MKLN1: variants seen among roughly 807,000 people sequenced by gnomAD.
MKLN1 encodes muskelin 1, also known as muskelin.
MKLN1 carries 18 observed loss-of-function variants against 99.0 expected under a neutral mutation model. That is an observed-to-expected ratio of 0.18 (90% CI 0.13 to 0.27). MKLN1 has a LOEUF of 0.27. MKLN1 is among the 10% of genes least tolerant of loss of function. MKLN1 has a pLI of 1.00. For missense variants in MKLN1, 621 were observed against 875.9 expected (o/e 0.71, Z 3.67); for synonymous variants, 288 against 293.2 (o/e 0.98, Z 0.18).
chr7:131,129,840 T>G (rs1442383713), intron 1 of MKLN1, among the ~76,000 whole-genome samples: 1 of 152,212 alleles, frequency 6.6e-6, no homozygotes, highest in Non-Finnish European at 1.5e-5. Flanking sequence ...CCTCCCAAAG[T>G]GCTGAGATTA....
chr7:131,142,946 G>A (rs1162576717), intron 2 of MKLN1: 1 of 1,305,082 alleles, frequency 7.7e-7, no homozygotes, highest in Non-Finnish European at 1.0e-6. Context: ...AATTCGGTAA[G>A]TGTTGATGTT....
At chr7:131,267,482 C>G (rs1797824877) in intron 3 of MKLN1, among the ~76,000 whole-genome samples, 1 of 152,152 alleles carries the variant, frequency 6.6e-6, no homozygotes, top group Non-Finnish European at 1.5e-5. Context: ...GGTTGTTGCC[C>G]TTCCATAAGT....
chr7:131,464,351 G>A lies in MKLN1; in HGVS notation c.1731G>A (p.Gln577=), dbSNP rs1245214948. 2 of 1,613,582 alleles carry A rather than the reference G, an allele frequency of 1.2e-6. No homozygotes were observed. Among genetic ancestry groups the A allele is most frequent in the Non-Finnish European group, 1.7e-6 (2 of 1,179,764 alleles). The part of the protein sequence containing the change: ...AAKDNPTKSL[Q]EEEPCPRFAH... ...AGGATAATCCAACTAAAAGTCTTCAGGAAGAAGAACCATGTCCAAGGTTTG... is the reference window on the plus strand; with the variant it reads ...AGGATAATCCAACTAAAAGTCTTCAAGAAGAAGAACCATGTCCAAGGTTTG... The change falls in exon 14 of 18, where the codon CAG becomes CAA. Residue 577 remains glutamine (Q), a synonymous_variant. Coordinates refer to ENST00000352689, the MANE Select transcript of MKLN1 (RefSeq NM_013255.5).
chr7:131,153,037 T>A lies in MKLN1; in HGVS notation c.-297+10096T>A, dbSNP rs2028361. On this transcript the variant is annotated intron_variant, in intron 2 of 7. Transcript: ENST00000416992. ...CAGATTCATATATATATATATATTT[T>A]TTTTTTTTTTGGCAAGACTGCTTCC... 2.9e-3 allele frequency among the ~76,000 whole-genome samples: 378 copies of A among 129,730 alleles called. 3 individuals are homozygous for A. The highest frequency in any genetic ancestry group is 4.4e-3 in the Non-Finnish European group (264 of 59,382). The allele number at this position is 129,730 out of a possible 152,430, so 85.1% of individuals were successfully genotyped here. A position where few individuals can be genotyped will look rare whatever the true frequency, so the allele number is the denominator to read the frequency against.
At chr7:131,277,788 C>T (rs1458043868) in intron 3 of MKLN1, among the ~76,000 whole-genome samples, 1 of 152,076 alleles carries the variant, frequency 6.6e-6, no homozygotes, top group Non-Finnish European at 1.5e-5. Context: ...GTCTTTTCTT[C>T]TTTAAAAGAC....
chr7:131,174,275 TAA>T (rs1796261602), intron 2 of MKLN1, among the ~76,000 whole-genome samples: 1 of 152,176 alleles, frequency 6.6e-6, no homozygotes, highest in African/African-American at 2.4e-5. Flanking sequence ...CCCCACCCTT[TAA>T]AGACTTTTGA....
chr7:131,205,615 A>G (rs2116418861), intron 3 of MKLN1, among the ~76,000 whole-genome samples: 1 of 152,242 alleles, frequency 6.6e-6, no homozygotes. Context: ...CAAGGTATTC[A>G]TCAGGCTAGA....
chr7:131,425,091 A>G (rs1795319765), intron 8 of MKLN1, among the ~76,000 whole-genome samples: 2 of 152,280 alleles, frequency 1.3e-5, no homozygotes, highest in African/African-American at 2.4e-5. Flanking sequence ...CAGCAGCTTT[A>G]TGGGATAGAT....
At chr7:131,159,926 G>C (rs150333997) in intron 2 of MKLN1, among the ~76,000 whole-genome samples, 5 of 152,218 alleles carry the variant, frequency 3.3e-5, no homozygotes, top group Non-Finnish European at 7.4e-5. Context: ...GCACAGAAGA[G>C]GTAGGAACAT....
chr7:131,410,399 A>C (rs931559227), intron 6 of MKLN1, among the ~76,000 whole-genome samples: 2 of 152,126 alleles, frequency 1.3e-5, no homozygotes, highest in African/African-American at 4.8e-5. Flanking sequence ...ATGAGATGAG[A>C]CAGCATAAAT....
At chr7:131,139,248 C>A (rs987098954) in intron 1 of MKLN1, among the ~76,000 whole-genome samples, 3 of 152,028 alleles carry the variant, frequency 2.0e-5, no homozygotes, top group African/African-American at 7.2e-5. Flanking sequence ...AACAGAGAGC[C>A]GGTGGTGAGG....
chr7:131,206,793 C>T (rs1796818578), intron 3 of MKLN1, among the ~76,000 whole-genome samples: 1 of 152,068 alleles, frequency 6.6e-6, no homozygotes, highest in South Asian at 2.1e-4. Context: ...TGGCCTCAAG[C>T]AATCTTCCCA....
At chr7:131,222,860 CAAA>C (rs375317109) in intron 3 of MKLN1, among the ~76,000 whole-genome samples, 3 of 88,636 alleles carry the variant, frequency 3.4e-5, no homozygotes, top group Admixed American at 1.3e-4. Context: ...GCTAAAAATA[CAAA>C]AAAAAAAAAA....
chr7:131,155,987 A>G (rs1476600455), intron 2 of MKLN1, among the ~76,000 whole-genome samples: 1 of 152,220 alleles, frequency 6.6e-6, no homozygotes, highest in Non-Finnish European at 1.5e-5. Flanking sequence ...GAATGGATCA[A>G]CAACTACATT....
chr7:131,262,692 AG>A (rs1797750314), intron 3 of MKLN1, among the ~76,000 whole-genome samples: 1 of 151,886 alleles, frequency 6.6e-6, no homozygotes, highest in South Asian at 2.1e-4. Context: ...CTGGGACTGC[AG>A]GCATGCACCA....
At chr7:131,290,963 A>G (rs950825991) in intron 3 of MKLN1, among the ~76,000 whole-genome samples, 1 of 152,148 alleles carries the variant, frequency 6.6e-6, no homozygotes, top group Non-Finnish European at 1.5e-5. Context: ...CTAGGCTTAA[A>G]TCTGTGAGGC....
At chr7:131,317,531 G>C (rs1798691748) in intron 3 of MKLN1, among the ~76,000 whole-genome samples, 1 of 152,124 alleles carries the variant, frequency 6.6e-6, no homozygotes, top group Non-Finnish European at 1.5e-5. Flanking sequence ...GTGACACTAT[G>C]AAGAAACTGC....
At chr7:131,248,166 T>C (rs1258496527) in intron 3 of MKLN1, among the ~76,000 whole-genome samples, 1 of 152,176 alleles carries the variant, frequency 6.6e-6, no homozygotes, top group Non-Finnish European at 1.5e-5. Flanking sequence ...GCTCAAGTGA[T>C]CTGCCTCCCT....
At chr7:131,263,195 A>G (rs1797758256) in intron 3 of MKLN1, among the ~76,000 whole-genome samples, 1 of 151,968 alleles carries the variant, frequency 6.6e-6, no homozygotes, top group Admixed American at 6.6e-5. Context: ...GGTTAAGGTG[A>G]CAATATGCCT....
Sources: gnomAD v4.1 joint callset for allele counts (sites outside exome capture counted in the v4.1 genomes callset) on GRCh38, gnomAD v4.1.1 for gene constraint, MANE v1.5 for transcripts, NCBI Gene and HGNC (gene_info 2026-07-23, HGNC 2026-07-21) for gene names.